STKLD1: variants seen among roughly 807,000 people sequenced by gnomAD.
STKLD1 encodes serine/threonine kinase like domain containing 1.
Under a neutral mutation model 80.4 loss-of-function variants are expected in STKLD1, and 79 were observed. The ratio of observed to expected loss-of-function variants is 0.98; its 90% CI spans 0.82 to 1.19. The LOEUF (loss-of-function observed/expected upper bound fraction) is 1.19, where lower values mean the gene tolerates loss of function less well. Among genes scored for constraint, STKLD1 ranks in the 50% most tolerant of loss-of-function variants. The pLI, the probability that STKLD1 is intolerant of heterozygous loss-of-function variation, is 0.00. For synonymous variants in STKLD1, 393 were observed against 357.6 expected (o/e 1.10, Z -1.12); for missense variants, 841 against 856.0 (o/e 0.98, Z 0.22).
At chr9:133,378,493 A>G (rs1441748193) in intron 1 of STKLD1, among the ~76,000 whole-genome samples, 1 of 152,200 alleles carries the variant, frequency 6.6e-6, no homozygotes, top group Non-Finnish European at 1.5e-5. Context: ...CCTGCTTTCT[A>G]GTGACATAGC....
Position 133,405,740 on chromosome 9 carries a change from CCT to C in STKLD1, c.*320_*321del. On this transcript the variant is annotated 3_prime_UTR_variant, in exon 18 of 18. Coordinates refer to ENST00000371957, the MANE Select transcript of STKLD1 (RefSeq NM_153710.5). ...CCACTGGGTGGGGAAGCAGCTCAGC[CCT>C]GATGCGGGGGAGAAGACAGATACCC... 8.4e-6 allele frequency: 2 copies of C among 239,506 alleles called. No homozygotes were observed. The highest frequency in any genetic ancestry group is 1.6e-5 in the Non-Finnish European group (2 of 123,044). 14.8% of individuals were successfully genotyped at this position (239,506 alleles called of 1,614,324 possible).
At chr9:133,386,477 C>T (rs1197026800) in intron 4 of STKLD1, among the ~76,000 whole-genome samples, 1 of 152,234 alleles carries the variant, frequency 6.6e-6, no homozygotes, top group Non-Finnish European at 1.5e-5. Context: ...GGCCTGTGCG[C>T]CCCTTACTCC....
intron 9 of STKLD1, among the ~76,000 whole-genome samples, chr9:133,396,656 C>T (rs2130677143): frequency 6.6e-6 from 1 of 151,846 alleles, no homozygotes; most frequent in South Asian, 2.1e-4. Context: ...ACTCAGGAGG[C>T]TGAGACAGAA....
chr9:133,376,671 C>A, intron 1 of STKLD1, 111 bp downstream of exon 1: 1 of 924,406 alleles, frequency 1.1e-6, no homozygotes, highest in Admixed American at 3.3e-5. Context: ...GCGCCCTGGC[C>A]AGTGTCGGCC....
intron 11 of STKLD1, among the ~76,000 whole-genome samples, chr9:133,398,845 T>TTTTG (rs782721343): frequency 3.5e-4 from 53 of 151,824 alleles, no homozygotes; most frequent in Middle Eastern, 3.4e-3. Context: ...TTTTTTTTGT[T>TTTTG]TTTGTTTGTT....
chr9:133,389,525 G>A lies in STKLD1; in HGVS notation c.397-1G>A. 6.2e-7 allele frequency: 1 copy of A among 1,613,196 alleles called. No individual in the cohort carries two copies. Among genetic ancestry groups the A allele is most frequent in the Non-Finnish European group, 8.5e-7 (1 of 1,179,870 alleles). ...CCTGGCACCCCCTACTTCTCCCCCA[G>A]TGGATGCAGAATGTGCTGGGCCAGG... On this transcript the variant is annotated splice_acceptor_variant, in intron 5 of 17. Coordinates refer to ENST00000371957, the MANE Select transcript of STKLD1 (RefSeq NM_153710.5). LOFTEE classifies it high-confidence loss of function. This position sits in a 1 kb window ranked among gnomAD's most constrained non-coding sequence, Gnocchi z 6.4.
intron 1 of STKLD1, among the ~76,000 whole-genome samples, chr9:133,378,165 C>A (rs1358194011): frequency 6.6e-6 from 1 of 152,226 alleles, no homozygotes; most frequent in Admixed American, 6.5e-5. Context: ...AGGCCACGGA[C>A]TAGGTTGGGG....
chr9:133,392,814 A>G (rs1480296063), intron 7 of STKLD1, among the ~76,000 whole-genome samples: 8 of 40,920 alleles, frequency 2.0e-4, no homozygotes, highest in African/African-American at 5.8e-4. Context: ...TGGATGGATG[A>G]GTGGATGGAT....
At chr9:133,383,336 T>TGGA (rs1838191185) in intron 2 of STKLD1, among the ~76,000 whole-genome samples, 1 of 20,940 alleles carries the variant, frequency 4.8e-5, no homozygotes, top group African/African-American at 1.5e-4. Context: ...GTGGTGATGG[T>TGGA]GATGGTGATG....
In STKLD1 at chr9:133,387,433, T is replaced by C. The variant is rs2130279523; in HGVS notation, c.295-14T>C. The C allele has an allele frequency of 6.2e-7, 1 of 1,611,588 alleles. No homozygotes were observed. Among genetic ancestry groups the C allele is most frequent in the African/African-American group, 1.3e-5 (1 of 74,988 alleles). Reference sequence around the variant, plus strand: ...CCTGGGCGTCCTTTGGCTAAGGGCCTCCTGTCCCAGCAGATCTCTTCTCTG... The same window carrying C: ...CCTGGGCGTCCTTTGGCTAAGGGCCCCCTGTCCCAGCAGATCTCTTCTCTG... On this transcript the variant is annotated splice_polypyrimidine_tract_variant and intron_variant, in intron 4 of 17. Transcript: ENST00000371957.
At position 133,394,213 on chromosome 9, in the gene STKLD1, C is replaced by G. The variant is rs28394600; in HGVS notation, c.584-78C>G. 75,979 of 962,876 alleles carry G rather than the reference C, an allele frequency of 0.079. 3,796 individuals are homozygous for G. The highest frequency in any genetic ancestry group is 0.16 in the South Asian group (12,680 of 77,022). 59.6% of individuals were successfully genotyped at this position (962,876 alleles called of 1,614,324 possible). On this transcript the variant is annotated intron_variant, in intron 7 of 17. Transcript: ENST00000371957. This position sits in a 1 kb window ranked among gnomAD's most constrained non-coding sequence, Gnocchi z 4.9. Reference sequence around the variant, plus strand: ...GGGGGCCACCAAAGGGGATACAGTGCTGGGCAGGGTGACTCTGTCAAGCCC... The same window carrying G: ...GGGGGCCACCAAAGGGGATACAGTGGTGGGCAGGGTGACTCTGTCAAGCCC...
chr9:133,404,887 G>C lies in STKLD1; in HGVS notation c.1831G>C (p.Val611Leu), dbSNP rs140076945. ...GCTCCACAGGGACGACCCGGAGGTGGTGGAGAACGTGGGCATGCTGCTGGT... is the reference window on the plus strand; with the variant it reads ...GCTCCACAGGGACGACCCGGAGGTGCTGGAGAACGTGGGCATGCTGCTGGT... Reference protein sequence around the residue: ...YQLHRDDPEVVENVGMLLVHL... With the variant: ...YQLHRDDPEVLENVGMLLVHL... Residue 611 changes from valine to leucine, a missense_variant, in exon 17 of 18, where the codon GTG becomes CTG. Transcript: ENST00000371957. 3.7e-6 allele frequency: 6 copies of C among 1,613,310 alleles called. No homozygotes were observed. In the African/African-American group the frequency reaches 6.7e-5, roughly 18 times the overall value.
At chr9:133,383,781 G>A in intron 2 of STKLD1, 75 bp from the exon 3 acceptor site, 5 of 1,384,582 alleles carry the variant, frequency 3.6e-6, no homozygotes, top group Non-Finnish European at 5.1e-6. Context: ...TGGTCGTTGT[G>A]GTGGTGGTGA....
At chr9:133,380,658 A>G (rs1368295239) in intron 2 of STKLD1, among the ~76,000 whole-genome samples, 1 of 152,092 alleles carries the variant, frequency 6.6e-6, no homozygotes, top group Non-Finnish European at 1.5e-5. Context: ...GTCTAAATTA[A>G]TTAATTAATT....
At chr9:133,395,388 A>G (rs1408275555) in intron 8 of STKLD1, among the ~76,000 whole-genome samples, 2 of 152,058 alleles carry the variant, frequency 1.3e-5, no homozygotes, top group African/African-American at 2.4e-5. Context: ...CCACCCCGGG[A>G]GACAACCCGC....
In STKLD1 at chr9:133,392,530, G is replaced by GGTGA. The variant is rs1838424314; in HGVS notation, c.583+1738_583+1741dup. Reference sequence around the variant, plus strand: ...AGATGGATGAATAGGTGGGTGGGTGGGTGAGTGGATGGATGGATGGATGAG... The same window carrying GGTGA: ...AGATGGATGAATAGGTGGGTGGGTGGGTGAGTGAGTGGATGGATGGATGGATGAG... On this transcript the variant is annotated intron_variant, in intron 7 of 17. Coordinates refer to ENST00000371957, the MANE Select transcript of STKLD1 (RefSeq NM_153710.5). Among the ~76,000 whole-genome samples the GGTGA allele has an allele frequency of 3.3e-5, 5 of 149,798 alleles. No individual in the cohort carries two copies. The South Asian group carries it at 8.5e-4, about 26-fold the overall frequency.
chr9:133,397,127 C>T (rs781979233), intron 9 of STKLD1, 37 bp from the exon 10 acceptor site: 2 of 1,612,400 alleles, frequency 1.2e-6, no homozygotes, highest in Non-Finnish European at 1.7e-6. Context: ...GCAGGGGGCG[C>T]TGCTGGGTTA....
chr9:133,389,226 A>G lies in STKLD1; in HGVS notation c.397-300A>G, dbSNP rs1327469944. The G allele has an allele frequency of 1.0e-6, 1 of 985,270 alleles. No individual in the cohort carries two copies. The highest frequency in any genetic ancestry group is 1.2e-6 in the Non-Finnish European group (1 of 829,920). 61.0% of individuals were successfully genotyped at this position (985,270 alleles called of 1,614,324 possible). On this transcript the variant is annotated intron_variant, in intron 5 of 17. Coordinates refer to ENST00000371957, the MANE Select transcript of STKLD1 (RefSeq NM_153710.5). The surrounding 1 kb of genome is among the most constrained non-coding windows in gnomAD (Gnocchi z 6.4). ...CTTCAGCTCCCAGCAAGTGTGGGGC[A>G]GCGCGGGCCACAGAGTAGGGTGCAG...
Position 133,405,363 on chromosome 9 carries a change from G to T in STKLD1, c.1985G>T (p.Gly662Val), listed in dbSNP as rs1838826811. The T allele has an allele frequency of 1.9e-6, 3 of 1,612,526 alleles. No individual in the cohort carries two copies. The highest frequency in any genetic ancestry group is 2.5e-6 in the Non-Finnish European group (3 of 1,179,940). Residue 662 changes from glycine (G) to valine (V), a missense_variant, in exon 18 of 18, where the codon GGC becomes GTC. By Grantham distance (109) the Gly-to-Val change is moderately radical. Coordinates refer to ENST00000371957, the MANE Select transcript of STKLD1 (RefSeq NM_153710.5). ...VSDSSAFSKPGLPPGGSPQLG... is the reference protein window; with the variant it reads ...VSDSSAFSKPVLPPGGSPQLG... ...GACAGCAGCGCCTTCAGCAAACCAG[G>T]CCTCCCTCCAGGTGGAAGCCCCCAG... is the stretch of plus-strand genomic sequence containing the variant.
Sources: gnomAD v4.1 joint callset for allele counts (sites outside exome capture counted in the v4.1 genomes callset) on GRCh38, gnomAD v4.1.1 for gene constraint, Gnocchi (gnomAD v3.1) non-coding constraint, MANE v1.5 for transcripts, NCBI Gene and HGNC (gene_info 2026-07-23, HGNC 2026-07-21) for gene names.